The following BABAM2 variants were observed in gnomAD, a reference collection of about 807,000 sequenced individuals.
BABAM2 encodes BRISC and BRCA1-A complex member 2.
BABAM2 carries 31 observed loss-of-function variants against 54.7 expected under a neutral mutation model. That is an observed-to-expected ratio of 0.57 (90% CI 0.43 to 0.77). The LOEUF (loss-of-function observed/expected upper bound fraction) is 0.77. Among genes scored for constraint, BABAM2 ranks in the 30% least tolerant of loss-of-function variants. BABAM2 has a pLI of 0.00. For synonymous variants in BABAM2, 167 were observed against 162.9 expected (o/e 1.03, Z -0.19); for missense variants, 364 against 455.8 (o/e 0.80, Z 1.83).
chr2:28,174,815 C>T (rs1573752991), intron 7 of BABAM2, among the ~76,000 whole-genome samples: 1 of 152,140 alleles, frequency 6.6e-6, no homozygotes, highest in South Asian at 2.1e-4. Context: ...CACCAGACAG[C>T]ATCCTTTCCT....
chr2:27,911,132 C>T (rs1040892328), intron 2 of BABAM2, among the ~76,000 whole-genome samples: 2 of 152,090 alleles, frequency 1.3e-5, no homozygotes, highest in African/African-American at 4.8e-5. Flanking sequence ...GCCTCCCCAG[C>T]CATGCTGAAC....
At chr2:27,998,823 G>C (rs1295490060) in intron 4 of BABAM2, among the ~76,000 whole-genome samples, 1 of 152,086 alleles carries the variant, frequency 6.6e-6, no homozygotes, top group Non-Finnish European at 1.5e-5. Flanking sequence ...TTTTACCTTT[G>C]TTTCTCTTAA....
intron 3 of BABAM2, among the ~76,000 whole-genome samples, chr2:27,976,557 G>A (rs12465000): frequency 0.64 from 97,811 of 151,874 alleles, 33,462 homozygotes; most frequent in Middle Eastern, 0.8. Flanking sequence ...ATAAGGAATG[G>A]TCGGAATATT....
intron 5 of BABAM2, among the ~76,000 whole-genome samples, chr2:28,045,513 A>G (rs1677490893): frequency 6.6e-6 from 1 of 152,210 alleles, no homozygotes; most frequent in Non-Finnish European, 1.5e-5. Flanking sequence ...CAGATTTTAA[A>G]AACTCAAATT....
At chr2:27,985,455 T>G (rs987034886) in intron 3 of BABAM2, among the ~76,000 whole-genome samples, 6 of 152,192 alleles carry the variant, frequency 3.9e-5, no homozygotes. Context: ...GTGGTTTTGA[T>G]TTGCATTTCC....
In BABAM2 at chr2:28,259,881, T is replaced by C. The variant is rs531775785; in HGVS notation, c.934+15019T>C. Among the ~76,000 whole-genome samples, 6 of 150,406 alleles carry C rather than the reference T, an allele frequency of 4.0e-5. No individual in the cohort carries two copies. The East Asian group carries it at 1.0e-3, about 25-fold the overall frequency. ...CTTTCTCAAAAGTCAGTTGACCATA[T>C]AAGTGTAAATCTACTTCTGAATTCT... On this transcript the variant is annotated intron_variant, in intron 10 of 11. Coordinates refer to ENST00000379624, the MANE Select transcript of BABAM2 (RefSeq NM_199191.3).
chr2:27,910,212 A>C (rs1341907275), intron 2 of BABAM2, among the ~76,000 whole-genome samples: 1 of 152,214 alleles, frequency 6.6e-6, no homozygotes, highest in South Asian at 2.1e-4. Context: ...TCCACCACCT[A>C]GCATAGGACC....
At chr2:28,109,633 T>C (rs1179610899) in intron 6 of BABAM2, among the ~76,000 whole-genome samples, 1 of 152,216 alleles carries the variant, frequency 6.6e-6, no homozygotes, top group South Asian at 2.1e-4. Flanking sequence ...ATTATACCAA[T>C]GGCACAGCTT....
intron 6 of BABAM2, among the ~76,000 whole-genome samples, chr2:28,060,565 G>T (rs1026184564): frequency 6.6e-6 from 1 of 152,126 alleles, no homozygotes; most frequent in African/African-American, 2.4e-5. Context: ...TTTCACAGAT[G>T]ATATTGTTGA....
intron 6 of BABAM2, among the ~76,000 whole-genome samples, chr2:28,081,788 A>G (rs1374101671): frequency 6.6e-6 from 1 of 152,172 alleles, no homozygotes; most frequent in Non-Finnish European, 1.5e-5. Flanking sequence ...TTTCAGACCC[A>G]TTACCTTTCA....
intron 10 of BABAM2, among the ~76,000 whole-genome samples, chr2:28,283,287 CG>C (rs1467719740): frequency 6.6e-6 from 1 of 152,142 alleles, no homozygotes; most frequent in African/African-American, 2.4e-5. Flanking sequence ...ATTTGTAAAA[CG>C]GAGAGTTGAT....
intron 7 of BABAM2, among the ~76,000 whole-genome samples, chr2:28,164,667 A>G (rs1208565695): frequency 6.6e-6 from 1 of 152,150 alleles, no homozygotes; most frequent in African/African-American, 2.4e-5. Context: ...GCTTTCTGGA[A>G]CAGATACTTC....
chr2:28,031,169 C>A (rs116329464), intron 5 of BABAM2, among the ~76,000 whole-genome samples: 2 of 152,076 alleles, frequency 1.3e-5, no homozygotes, highest in Non-Finnish European at 2.9e-5. Flanking sequence ...TCATTTTCAG[C>A]GAGGCACTTG....
chr2:28,112,250 C>T (rs912683308), intron 6 of BABAM2, among the ~76,000 whole-genome samples: 35 of 139,004 alleles, frequency 2.5e-4, no homozygotes, highest in Admixed American at 8.9e-4. Flanking sequence ...GATTCATGTG[C>T]AGAATGTGCA....
chr2:28,240,862 C>G (rs1682349365), intron 8 of BABAM2, among the ~76,000 whole-genome samples: 1 of 119,530 alleles, frequency 8.4e-6, no homozygotes, highest in Non-Finnish European at 1.7e-5. Context: ...AAGAGCGAGA[C>G]TCTGTCTCAA....
intron 6 of BABAM2, among the ~76,000 whole-genome samples, chr2:28,046,835 T>A (rs12614744): frequency 0.2 from 29,778 of 151,334 alleles, 3,951 homozygotes; most frequent in East Asian, 0.62. Context: ...CAAGCTGGAG[T>A]GTAGTGGTGT....
At chr2:28,208,396 T>C (rs1679102769) in intron 7 of BABAM2, among the ~76,000 whole-genome samples, 1 of 152,208 alleles carries the variant, frequency 6.6e-6, no homozygotes, top group Non-Finnish European at 1.5e-5. Context: ...AAATTTTGTA[T>C]TGTTGTTTAT....
At chr2:28,068,065 T>C (rs907203775) in intron 6 of BABAM2, among the ~76,000 whole-genome samples, 2 of 152,118 alleles carry the variant, frequency 1.3e-5, no homozygotes, top group African/African-American at 2.4e-5. Context: ...AGAAACACTG[T>C]GATCCACAAT....
At chr2:27,927,605 A>G (rs1244345186) in intron 2 of BABAM2, among the ~76,000 whole-genome samples, 1 of 152,224 alleles carries the variant, frequency 6.6e-6, no homozygotes, top group African/African-American at 2.4e-5. Context: ...AAAAGATTAC[A>G]CTAAAAGGGA....
Sources: allele counts gnomAD v4.1 joint callset (sites outside exome capture counted in the v4.1 genomes callset), GRCh38; gene constraint gnomAD v4.1.1; transcripts MANE v1.5; gene names NCBI Gene and HGNC (gene_info 2026-07-23, HGNC 2026-07-21).